ANKRD11: variants seen among roughly 807,000 people sequenced by gnomAD.
ANKRD11 encodes ankyrin repeat domain-containing protein 11.
Under a neutral mutation model 195.7 loss-of-function variants are expected in ANKRD11, and 17 were observed. The observed-to-expected ratio is 0.09, with a 90% CI of 0.06 to 0.13. The LOEUF is 0.13. Among genes scored for constraint, ANKRD11 ranks in the 10% least tolerant of loss-of-function variants. ANKRD11 has a pLI of 1.00. For synonymous variants in ANKRD11, 1,953 were observed against 1,528.1 expected (o/e 1.28, Z -6.49); for missense variants, 3,735 against 3,566.1 (o/e 1.05, Z -1.21).
chr16:89,279,854 T>C lies in ANKRD11; in HGVS notation c.6688A>G (p.Arg2230Gly), dbSNP rs1206602849. Residue 2230 changes from arginine to glycine, a missense_variant, in exon 9 of 13, where the codon AGG (arginine) becomes GGG (glycine). By Grantham distance (125) the Arg-to-Gly change is moderately radical. Coordinates refer to ENST00000301030, the MANE Select transcript of ANKRD11 (RefSeq NM_013275.6). The surrounding 1 kb of genome is among the most constrained non-coding windows in gnomAD (Gnocchi z 5.6). ...AVEAETVPEE[R>G]ARGDPDSSVE... is the part of the protein sequence containing the mutation. ...CTGGAGTCCGGATCCCCACGGGCCCTCTCTTCCGGCACCGTCTCCGCCTCC... is the reference window on the plus strand; with the variant it reads ...CTGGAGTCCGGATCCCCACGGGCCCCCTCTTCCGGCACCGTCTCCGCCTCC... 6.4e-7 allele frequency: 1 copy of C among 1,553,490 alleles called. No individual in the cohort carries two copies. The highest frequency in any genetic ancestry group is 2.4e-5 in the East Asian group (1 of 41,552).
chr16:89,304,043 T>G (rs922667347), intron 4 of ANKRD11, among the ~76,000 whole-genome samples: 2 of 152,208 alleles, frequency 1.3e-5, no homozygotes, highest in African/African-American at 2.4e-5. Flanking sequence ...GCCAGCTTAG[T>G]GCTCTACTGC....
chr16:89,363,978 T>C (rs2039841451), intron 2 of ANKRD11, among the ~76,000 whole-genome samples: 1 of 152,136 alleles, frequency 6.6e-6, no homozygotes, highest in Non-Finnish European at 1.5e-5. Context: ...GAGGACAGCT[T>C]GAGCCCGGGA....
chr16:89,407,583 G>A (rs1473673687), intron 2 of ANKRD11, among the ~76,000 whole-genome samples: 1 of 152,202 alleles, frequency 6.6e-6, no homozygotes, highest in African/African-American at 2.4e-5. Context: ...CACTTTGGGA[G>A]GCCGAGGCAG....
chr16:89,287,895 C>T (rs1346467517), intron 7 of ANKRD11: 1 of 367,582 alleles, frequency 2.7e-6, no homozygotes, highest in Non-Finnish European at 4.9e-6. Context: ...ACCCCTCAGC[C>T]TTGCTGTCCT....
At chr16:89,428,520 A>G (rs546680958) in intron 1 of ANKRD11, among the ~76,000 whole-genome samples, 3 of 151,720 alleles carry the variant, frequency 2.0e-5, no homozygotes, top group Admixed American at 6.6e-5. Context: ...GCGAGACTAC[A>G]TCTCAAAATG....
chr16:89,302,629 A>T (rs1160328594), intron 4 of ANKRD11, among the ~76,000 whole-genome samples: 2 of 152,182 alleles, frequency 1.3e-5, no homozygotes, highest in African/African-American at 4.8e-5. Context: ...CATACATCAG[A>T]ACAATCTTCC....
chr16:89,280,785 C>T lies in ANKRD11; in HGVS notation c.5757G>A (p.Ala1919=), dbSNP rs200550273. The change falls in exon 9 of 13, where the codon GCG becomes GCA. Residue 1919 remains alanine (A), a synonymous_variant. Transcript: ENST00000301030. ...GCTCCGGGGGGATGATGGCGGCCGT[C>T]GCCTGCTGGTCCTCGGAGGTGTCCA... ...PDLDTSEDQQ[A]TAAIIPPEPS... 4 of 1,611,286 alleles carry T rather than the reference C, an allele frequency of 2.5e-6. No homozygotes were observed. Among genetic ancestry groups the T allele is most frequent in the South Asian group, 1.1e-5 (1 of 90,988 alleles).
chr16:89,476,450 A>G (rs12935112), intron 1 of ANKRD11, among the ~76,000 whole-genome samples: 77,113 of 152,070 alleles, frequency 0.51, 19,786 homozygotes, highest in East Asian at 0.67. Flanking sequence ...TCATTTACAC[A>G]TCAACATCAG....
At chr16:89,386,987 G>A (rs925902498) in intron 2 of ANKRD11, among the ~76,000 whole-genome samples, 2 of 152,024 alleles carry the variant, frequency 1.3e-5, no homozygotes, top group African/African-American at 2.4e-5. Flanking sequence ...CACCCTGGGA[G>A]CCCTGTATCG....
chr16:89,449,516 G>A (rs1275153522), intron 1 of ANKRD11, among the ~76,000 whole-genome samples: 5 of 151,828 alleles, frequency 3.3e-5, no homozygotes, highest in African/African-American at 9.7e-5. Flanking sequence ...TGTGCAGGCC[G>A]GGCGTGGTGG....
chr16:89,285,730 G>C lies in ANKRD11; in HGVS notation c.893-81C>G. 1.3e-6 allele frequency: 2 copies of C among 1,492,374 alleles called. No homozygotes were observed. The allele number at this position is 1,492,374 out of a possible 1,614,324, so 92.4% of individuals were successfully genotyped here. On this transcript the variant is annotated intron_variant, in intron 8 of 12. Coordinates refer to ENST00000301030, the MANE Select transcript of ANKRD11 (RefSeq NM_013275.6). This position sits in a 1 kb window ranked among gnomAD's most constrained non-coding sequence, Gnocchi z 5.6. Reference sequence around the variant, plus strand: ...AATGGCAGAGGAGGGAGGCTCTGCAGATGTGTCTGCGGGAAGGTTCCCACC... The same window carrying C: ...AATGGCAGAGGAGGGAGGCTCTGCACATGTGTCTGCGGGAAGGTTCCCACC...
At chr16:89,449,656 G>A (rs1022773169) in intron 1 of ANKRD11, among the ~76,000 whole-genome samples, 2 of 152,080 alleles carry the variant, frequency 1.3e-5, no homozygotes, top group African/African-American at 4.8e-5. Context: ...ACCAGGGCGT[G>A]GTGGTACATG....
chr16:89,484,359 C>T (rs146725226), intron 1 of ANKRD11, among the ~76,000 whole-genome samples: 52 of 152,266 alleles, frequency 3.4e-4, no homozygotes, highest in African/African-American at 1.2e-3. Flanking sequence ...TAAGTTTAAA[C>T]AGTACAGCCA....
intron 4 of ANKRD11, among the ~76,000 whole-genome samples, chr16:89,293,013 C>G (rs731136): frequency 0.59 from 89,925 of 151,986 alleles, 27,683 homozygotes; most frequent in Middle Eastern, 0.69. Context: ...CCCCAGCTCC[C>G]CCACCGATAG....
At chr16:89,271,037 C>T (rs765091631) in intron 11 of ANKRD11, 128 bp from the exon 12 acceptor site, 40 of 819,534 alleles carry the variant, frequency 4.9e-5, no homozygotes, top group East Asian at 1.9e-4. Context: ...CATTCCACCG[C>T]GCACACACTG....
intron 2 of ANKRD11, among the ~76,000 whole-genome samples, chr16:89,413,668 C>T (rs1303180197): frequency 6.6e-6 from 1 of 152,112 alleles, no homozygotes; most frequent in Non-Finnish European, 1.5e-5. Flanking sequence ...ACAGTGGCAC[C>T]TACAAATCCC....
intron 2 of ANKRD11, among the ~76,000 whole-genome samples, chr16:89,356,100 T>C (rs1221213561): frequency 6.6e-6 from 1 of 152,160 alleles, no homozygotes; most frequent in Non-Finnish European, 1.5e-5. Flanking sequence ...CAAGAAAGAA[T>C]CTGGAAAACC....
rs1290960851 is a variant in ANKRD11, at chr16:89,275,204, G to C, written c.7471-13C>G. The stretch of plus-strand genomic sequence containing the variant: ...GAGGGGGTGCGATCTACAGGCAAAA[G>C]GTGAGTGTGGGGGGTCAGCTGGGGC... On this transcript the variant is annotated splice_polypyrimidine_tract_variant and intron_variant, in intron 9 of 12. Transcript: ENST00000301030. 2 of 1,596,244 alleles carry C rather than the reference G, an allele frequency of 1.3e-6. No homozygotes were observed. The highest frequency in any genetic ancestry group is 1.7e-6 in the Non-Finnish European group (2 of 1,171,306).
chr16:89,433,804 C>CAGCA (rs2043100818), intron 1 of ANKRD11, among the ~76,000 whole-genome samples: 1 of 151,756 alleles, frequency 6.6e-6, no homozygotes, highest in Admixed American at 6.6e-5. Context: ...GGCTTGGACG[C>CAGCA]GGGGACTGGG....
Sources: gnomAD v4.1 joint callset for allele counts (sites outside exome capture counted in the v4.1 genomes callset) on GRCh38, gnomAD v4.1.1 for gene constraint, Gnocchi (gnomAD v3.1) non-coding constraint, MANE v1.5 for transcripts, NCBI Gene and HGNC (gene_info 2026-07-23, HGNC 2026-07-21) for gene names.